The following NEDD9 variants were observed in gnomAD, a reference collection of about 807,000 sequenced individuals.
The protein encoded by NEDD9 is enhancer of filamentation 1.
In NEDD9, 26 loss-of-function variants were observed where a neutral mutation model predicts 76.6. That is an observed-to-expected ratio of 0.34 (90% CI 0.25 to 0.47). The LOEUF (loss-of-function observed/expected upper bound fraction) is 0.47, where lower values mean the gene tolerates loss of function less well. Ranked by LOEUF, NEDD9 falls within the 20% of genes least tolerant of loss-of-function variation. The pLI is 1.00. For synonymous variants in NEDD9, 392 were observed against 414.2 expected, an observed-to-expected ratio of 0.95 and a Z score of 0.65; for missense variants, 937 against 1,058.5, an observed-to-expected ratio of 0.89 and a Z score of 1.59.
intron 2 of NEDD9, among the ~76,000 whole-genome samples, chr6:11,334,061 C>T (rs115506471): frequency 0.034 from 5,147 of 152,260 alleles, 147 homozygotes; most frequent in Non-Finnish European, 0.05. Context: ...AATTCCTTAA[C>T]AGTTTTCAAA....
At chr6:11,324,906 T>C (rs1761888674) in intron 2 of NEDD9, among the ~76,000 whole-genome samples, 1 of 152,244 alleles carries the variant, frequency 6.6e-6, no homozygotes, top group South Asian at 2.1e-4. Context: ...AAACTTGGTT[T>C]GACCTTTCTT....
At chr6:11,245,633 T>TG (rs971727935) in intron 3 of NEDD9, among the ~76,000 whole-genome samples, 8 of 112,332 alleles carry the variant, frequency 7.1e-5, no homozygotes, top group Admixed American at 3.9e-4. Flanking sequence ...AAACTTGCGT[T>TG]GGGGGAAAAA....
rs6457245 is a variant in NEDD9 at position 11,283,121 on chromosome 6, T to G, written c.12+22871A>C. Among the ~76,000 whole-genome samples the G allele has an allele frequency of 8.7e-3, 1,321 of 152,348 alleles. 18 individuals are homozygous for G. The highest frequency in any genetic ancestry group is 0.029 in the African/African-American group (1,206 of 41,578). Reference sequence around the variant, plus strand: ...ACTAGCTGCCCAGCTGTCGCCTCACTCACTGTTTTCAAGTCTCTATTCAAC... The same window carrying G: ...ACTAGCTGCCCAGCTGTCGCCTCACGCACTGTTTTCAAGTCTCTATTCAAC... On this transcript the variant is annotated intron_variant, in intron 3 of 3. Coordinates refer to the NEDD9 transcript ENST00000397378.
intron 1 of NEDD9, among the ~76,000 whole-genome samples, chr6:11,342,794 T>TA (rs1762298146): frequency 6.6e-6 from 1 of 151,958 alleles, no homozygotes; most frequent in Non-Finnish European, 1.5e-5. Context: ...GACTCAGTAA[T>TA]AAAAAAATAA....
intron 1 of NEDD9, among the ~76,000 whole-genome samples, chr6:11,219,625 A>C (rs1449883779): frequency 6.6e-6 from 1 of 152,280 alleles, no homozygotes; most frequent in Non-Finnish European, 1.5e-5. Flanking sequence ...CAAGGAAGTC[A>C]GTCCTAAGGC....
At chr6:11,265,059 T>C (rs1760179173) in intron 3 of NEDD9, among the ~76,000 whole-genome samples, 1 of 152,248 alleles carries the variant, frequency 6.6e-6, no homozygotes, top group African/African-American at 2.4e-5. Context: ...CTAATATCTC[T>C]AGCAGTGAAG....
intron 2 of NEDD9, among the ~76,000 whole-genome samples, chr6:11,329,889 A>G (rs1286373475): frequency 6.6e-6 from 1 of 152,200 alleles, no homozygotes; most frequent in Non-Finnish European, 1.5e-5. Flanking sequence ...AATAGTGCTA[A>G]GCCTGAGCAA....
chr6:11,364,500 C>A lies in NEDD9; in HGVS notation c.-214+17639G>T, dbSNP rs1762729609. 5.9e-5 allele frequency among the ~76,000 whole-genome samples: 9 copies of A among 152,096 alleles called. No individual in the cohort carries two copies. The South Asian group carries it at 1.9e-3, about 32-fold the overall frequency. On this transcript the variant is annotated intron_variant, in intron 1 of 3. Coordinates refer to the NEDD9 transcript ENST00000397378. ...TTATCTCCATTTTAAGGTGAGGAAG[C>A]TGATTCATGGAGAGGTTAAGTAACT...
intron 3 of NEDD9, among the ~76,000 whole-genome samples, chr6:11,294,525 T>G (rs1314926450): frequency 6.6e-6 from 1 of 152,192 alleles, no homozygotes; most frequent in Non-Finnish European, 1.5e-5. Context: ...TCTTCTGCCA[T>G]GATTCTAAGT....
chr6:11,376,077 G>T (rs1415847989), intron 1 of NEDD9, among the ~76,000 whole-genome samples: 2 of 152,224 alleles, frequency 1.3e-5, no homozygotes, highest in African/African-American at 4.8e-5. Context: ...GCCCGTCTCG[G>T]CCTCCCAAAG....
chr6:11,230,655 A>G (rs560564783), intron 1 of NEDD9, among the ~76,000 whole-genome samples: 7 of 104,284 alleles, frequency 6.7e-5, no homozygotes, highest in African/African-American at 2.6e-4. Flanking sequence ...TAGTCATCAT[A>G]GGGCATAAGT....
intron 3 of NEDD9, chr6:11,249,150 T>C (rs1759864752): frequency 2.2e-6 from 1 of 455,996 alleles, no homozygotes; most frequent in South Asian, 1.5e-5. Context: ...TTTAAACCAA[T>C]GGACTTTGAG....
Position 11,186,929 on chromosome 6 carries a change from C to G in NEDD9, c.1996-1258G>C, listed in dbSNP as rs527915266. On this transcript the variant is annotated intron_variant, in intron 6 of 6. Transcript: ENST00000379446. The stretch of plus-strand genomic sequence containing the variant: ...CCGTGCCCAGCCTTCAACAGCTTTA[C>G]TTTTCTAGAATCTGTTTTCTTCTTA... Among the ~76,000 whole-genome samples, 296 of 152,266 alleles carry G rather than the reference C, an allele frequency of 1.9e-3. 1 individual carries two copies. The highest frequency in any genetic ancestry group is 3.6e-3 in the Non-Finnish European group (242 of 68,018).
intron 2 of NEDD9, among the ~76,000 whole-genome samples, chr6:11,207,892 G>T (rs188883893): frequency 6.6e-6 from 1 of 152,162 alleles, no homozygotes; most frequent in South Asian, 2.1e-4. Flanking sequence ...AGTAGAAAAA[G>T]TTAGGCCAGG....
intron 3 of NEDD9, among the ~76,000 whole-genome samples, chr6:11,269,709 A>G (rs1357708705): frequency 6.6e-6 from 1 of 152,174 alleles, no homozygotes; most frequent in African/African-American, 2.4e-5. Context: ...TAATAGTAAA[A>G]TGGATCACTT....
chr6:11,233,301 C>T (rs1433492868), upstream of NEDD9: 1 of 518,906 alleles, frequency 1.9e-6, no homozygotes, highest in Non-Finnish European at 3.8e-6. Flanking sequence ...GAAAAGGAAC[C>T]CTCTAGCACA....
chr6:11,204,746 GAAAGA>G (rs1438678199), intron 2 of NEDD9, among the ~76,000 whole-genome samples: 5 of 136,682 alleles, frequency 3.7e-5, no homozygotes, highest in East Asian at 2.3e-4. Flanking sequence ...AAGAAAGAAA[GAAAGA>G]AAAGAAAAGG....
intron 1 of NEDD9, among the ~76,000 whole-genome samples, chr6:11,338,065 G>C (rs1182090430): frequency 6.6e-6 from 1 of 152,114 alleles, no homozygotes; most frequent in Non-Finnish European, 1.5e-5. Context: ...TTCTTATGCT[G>C]AAGTCCTAAG....
intron 3 of NEDD9, among the ~76,000 whole-genome samples, chr6:11,297,950 T>C (rs1432265626): frequency 6.7e-6 from 1 of 148,948 alleles, no homozygotes; most frequent in African/African-American, 2.5e-5. Flanking sequence ...CTTTGTCGCC[T>C]AGGTTGGAGT....
Sources: allele counts gnomAD v4.1 joint callset (sites outside exome capture counted in the v4.1 genomes callset), GRCh38; gene constraint gnomAD v4.1.1; transcripts MANE v1.5; gene names NCBI Gene and HGNC (gene_info 2026-07-23, HGNC 2026-07-21).